Variants in FHOD3 observed in about 807,000 individuals in gnomAD.
FHOD3 encodes the protein FH1/FH2 domain-containing protein 3.
A neutral mutation model predicts 173.0 loss-of-function variants in FHOD3; 90 were observed. The observed-to-expected ratio is 0.52, with a 90% confidence interval of 0.44 to 0.62. FHOD3 has a LOEUF of 0.62. Ranked by LOEUF, FHOD3 falls within the 20% of genes least tolerant of loss-of-function variation. The pLI is 0.00. For missense variants in FHOD3, 1,945 were observed against 2,034.7 expected, an observed-to-expected ratio of 0.96 and a Z score of 0.85; for synonymous variants, 828 against 823.0, an observed-to-expected ratio of 1.01 and a Z score of -0.10.
chr18:36,409,330 T>A (rs556639811), intron 3 of FHOD3, among the ~76,000 whole-genome samples: 9 of 152,302 alleles, frequency 5.9e-5, no homozygotes, highest in African/African-American at 2.2e-4. Context: ...GTCTAGGAGT[T>A]CGAGGCAGCG....
chr18:36,375,391 A>G (rs1288877737), intron 3 of FHOD3, among the ~76,000 whole-genome samples: 2 of 152,080 alleles, frequency 1.3e-5, no homozygotes, highest in Admixed American at 6.6e-5. Flanking sequence ...ACCACATGCA[A>G]CTCCCCTGAA....
chr18:36,746,519 C>G (rs569334477), intron 23 of FHOD3, among the ~76,000 whole-genome samples: 1 of 152,234 alleles, frequency 6.6e-6, no homozygotes, highest in South Asian at 2.1e-4. Context: ...ATTAGTTGGT[C>G]CCCAGCATAG....
chr18:36,412,623 A>G (rs1468844480), intron 3 of FHOD3, among the ~76,000 whole-genome samples: 1 of 152,228 alleles, frequency 6.6e-6, no homozygotes, highest in Non-Finnish European at 1.5e-5. Flanking sequence ...CCTTAAAGAG[A>G]GACTTAAGGT....
chr18:36,381,039 G>C (rs2047755799), intron 3 of FHOD3, among the ~76,000 whole-genome samples: 1 of 152,202 alleles, frequency 6.6e-6, no homozygotes, highest in South Asian at 2.1e-4. Flanking sequence ...CTGGCCTGAT[G>C]CTCCTCCTTT....
intron 1 of FHOD3, among the ~76,000 whole-genome samples, chr18:36,330,838 A>ATGAGTGAGTGAGTGAG (rs34029107): frequency 6.0e-5 from 9 of 151,098 alleles, no homozygotes; most frequent in African/African-American, 2.0e-4. Context: ...TCTTTTTCTG[A>ATGAGTGAGTGAGTGAG]TGAGTGAGTG....
chr18:36,356,238 C>T lies in FHOD3; in HGVS notation c.272+593C>T, dbSNP rs80258954. ...GTTTTATACGGTATCATCTTTTAAACTCATTACTGTGGAAAAAATAATTAT... is the reference window on the plus strand; with the variant it reads ...GTTTTATACGGTATCATCTTTTAAATTCATTACTGTGGAAAAAATAATTAT... On this transcript the variant is annotated intron_variant, in intron 2 of 28. Coordinates refer to ENST00000590592, the MANE Select transcript of FHOD3 (RefSeq NM_001281740.3). Among the ~76,000 whole-genome samples the T allele has an allele frequency of 2.7e-4, 41 of 152,328 alleles. No homozygotes were observed. In the East Asian group the frequency reaches 4.8e-3, roughly 18 times the overall value.
At chr18:36,649,281 C>G (rs1344404606) in intron 10 of FHOD3, 35 bp from the exon 11 acceptor site, 26 of 1,486,918 alleles carry the variant, frequency 1.7e-5, no homozygotes, top group Non-Finnish European at 2.2e-5. Flanking sequence ...TCCATGTTGT[C>G]TGTGTGCATT....
At chr18:36,602,444 A>G (rs906948282) in intron 7 of FHOD3, among the ~76,000 whole-genome samples, 16 of 152,228 alleles carry the variant, frequency 1.1e-4, no homozygotes, top group African/African-American at 3.1e-4. Context: ...AGCGTACACA[A>G]TGCTCTTGCC....
intron 14 of FHOD3, among the ~76,000 whole-genome samples, chr18:36,663,884 A>G (rs2036976771): frequency 6.6e-6 from 1 of 152,194 alleles, no homozygotes; most frequent in South Asian, 2.1e-4. Flanking sequence ...ATTCCCTATG[A>G]ATCCACATGC....
At chr18:36,572,266 T>C (rs760849172) in intron 5 of FHOD3, among the ~76,000 whole-genome samples, 3 of 152,168 alleles carry the variant, frequency 2.0e-5, no homozygotes, top group Non-Finnish European at 4.4e-5. Context: ...TCCACATTCT[T>C]CTTGAAAACA....
intron 11 of FHOD3, among the ~76,000 whole-genome samples, chr18:36,649,740 A>T (rs549304259): frequency 6.6e-6 from 1 of 152,186 alleles, no homozygotes; most frequent in South Asian, 2.1e-4. Flanking sequence ...CCCTAAGAAG[A>T]TTCTTGCCCT....
At chr18:36,354,079 C>T (rs74405700) in intron 1 of FHOD3, among the ~76,000 whole-genome samples, 3,182 of 152,330 alleles carry the variant, frequency 0.021, 51 homozygotes, top group Non-Finnish European at 0.03. Context: ...CAGAGCCCAA[C>T]TCTAAGGCAA....
intron 3 of FHOD3, among the ~76,000 whole-genome samples, chr18:36,463,681 A>C (rs1452728714): frequency 6.6e-6 from 1 of 151,966 alleles, no homozygotes; most frequent in Non-Finnish European, 1.5e-5. Flanking sequence ...TTTTCTGTAG[A>C]GATAGGGTTT....
chr18:36,552,714 G>A (rs2057711463), intron 5 of FHOD3, among the ~76,000 whole-genome samples: 1 of 151,918 alleles, frequency 6.6e-6, no homozygotes. Context: ...TAGCCAGGAT[G>A]GTCTTGATCT....
intron 1 of FHOD3, among the ~76,000 whole-genome samples, chr18:36,307,105 A>C (rs2092120858): frequency 6.6e-6 from 1 of 152,150 alleles, no homozygotes; most frequent in Non-Finnish European, 1.5e-5. Context: ...CTGGGATTAC[A>C]GGCATGCGCC....
At chr18:36,422,643 C>T (rs2050044097) in intron 3 of FHOD3, among the ~76,000 whole-genome samples, 1 of 152,208 alleles carries the variant, frequency 6.6e-6, no homozygotes, top group Admixed American at 6.5e-5. Context: ...CTGAGGTCCA[C>T]CTCACTCTGC....
chr18:36,755,196 T>C lies in FHOD3; in HGVS notation c.4310T>C (p.Ile1437Thr). 2 of 1,612,698 alleles carry C rather than the reference T, an allele frequency of 1.2e-6. No homozygotes were observed. The highest frequency in any genetic ancestry group is 1.7e-6 in the Non-Finnish European group (2 of 1,179,472). Residue 1437 changes from isoleucine to threonine, a missense_variant, in exon 25 of 29, where the codon ATT becomes ACT. Transcript: ENST00000590592. The part of the protein sequence containing the change: ...REVNINKFCR[I>T]ISEFALEYRT... ...GTGAACATAAACAAATTCTGCAGGA[T>C]TATTAGTGAATTTGCACTAGAGTAT...
chr18:36,590,425 G>A (rs2059177565), intron 6 of FHOD3, among the ~76,000 whole-genome samples: 1 of 152,182 alleles, frequency 6.6e-6, no homozygotes, highest in Non-Finnish European at 1.5e-5. Flanking sequence ...CTTTCAAGTT[G>A]ATGCAGTAAT....
chr18:36,573,588 C>T (rs368616536), intron 5 of FHOD3, among the ~76,000 whole-genome samples: 2 of 152,106 alleles, frequency 1.3e-5, no homozygotes, highest in Non-Finnish European at 2.9e-5. Context: ...TGGGTGACAG[C>T]GTGAGACCGT....
Sources: allele counts gnomAD v4.1 joint callset (sites outside exome capture counted in the v4.1 genomes callset), GRCh38; gene constraint gnomAD v4.1.1; transcripts MANE v1.5; gene names NCBI Gene and HGNC (gene_info 2026-07-23, HGNC 2026-07-21).